NDUFA8: variants seen among roughly 807,000 people sequenced by gnomAD.
NDUFA8 encodes NADH dehydrogenase [ubiquinone] 1 alpha subcomplex subunit 8.
NDUFA8 carries 16 observed loss-of-function variants against 20.9 expected under a neutral mutation model. The ratio of observed to expected loss-of-function variants is 0.77; its 90% CI spans 0.52 to 1.16. The LOEUF (loss-of-function observed/expected upper bound fraction) is 1.16, where lower values mean the gene tolerates loss of function less well. NDUFA8 is among the 50% of genes most tolerant of loss of function. NDUFA8 has a pLI of 0.00. For missense variants in NDUFA8, 202 were observed against 216.4 expected, an observed-to-expected ratio of 0.93 and a Z score of 0.42; for synonymous variants, 70 against 76.1, an observed-to-expected ratio of 0.92 and a Z score of 0.41.
rs188801470 is a variant in NDUFA8, at chr9:122,158,811, A to G, written c.51+816T>C. Among the ~76,000 whole-genome samples, 371 of 149,444 alleles carry G rather than the reference A, an allele frequency of 2.5e-3. 3 individuals carry two copies. Among genetic ancestry groups the G allele is most frequent in the African/African-American group, 7.3e-3 (297 of 40,670 alleles). ...TGTATATATATGTGTATGTGTGTGT[A>G]TATATATATATATCCTACCTTATAG... On this transcript the variant is annotated intron_variant, in intron 1 of 3. Transcript: ENST00000373768.
downstream of NDUFA8, among the ~76,000 whole-genome samples, chr9:122,143,456 G>A (rs1017858883): frequency 6.6e-6 from 1 of 152,214 alleles, no homozygotes; most frequent in Non-Finnish European, 1.5e-5. Context: ...CCAGGAGGTA[G>A]ATAAGCATGT....
rs780716993 is a variant in NDUFA8, at chr9:122,144,332, T to C, written c.428A>G (p.His143Arg). The change falls in exon 4 of 4, where the codon CAC (histidine) becomes CGC (arginine). Residue 143 changes from histidine to arginine, a missense_variant. By Grantham distance (29) the His-to-Arg change is conservative. Transcript: ENST00000373768. ...GCTGGGATCCGGTCTTGGTCTTGAGTGATAGGGATTCTCCGGTAAAGGTCG... is the reference window on the plus strand; with the variant it reads ...GCTGGGATCCGGTCTTGGTCTTGAGCGATAGGGATTCTCCGGTAAAGGTCG... ...TDRPLPENPY[H>R]SRPRPDPSPE... 6.2e-6 allele frequency: 10 copies of C among 1,613,944 alleles called. No individual in the cohort carries two copies. The highest frequency in any genetic ancestry group is 5.0e-5 in the Admixed American group (3 of 59,982).
chr9:122,144,702 T>TG (rs1372171876), intron 3 of NDUFA8, among the ~76,000 whole-genome samples: 3 of 152,184 alleles, frequency 2.0e-5, no homozygotes, highest in Non-Finnish European at 2.9e-5. Flanking sequence ...ATGGCAATGA[T>TG]GGAGACAGGA....
downstream of NDUFA8, among the ~76,000 whole-genome samples, chr9:122,141,186 G>C (rs764841977): frequency 5.9e-5 from 9 of 152,326 alleles, no homozygotes; most frequent in East Asian, 5.8e-4. Context: ...GTAAGATAAT[G>C]ATGGGGAAAT....
intron 3 of NDUFA8, among the ~76,000 whole-genome samples, chr9:122,147,112 T>C (rs1468510262): frequency 6.6e-6 from 1 of 152,212 alleles, no homozygotes; most frequent in Non-Finnish European, 1.5e-5. Context: ...GGAGGTGTAA[T>C]TTAATCCTCA....
the NDUFA8 span, among the ~76,000 whole-genome samples, chr9:122,134,458 G>A: frequency 1.3e-5 from 2 of 152,200 alleles, no homozygotes; most frequent in African/African-American, 4.8e-5. Context: ...AGAAATATGT[G>A]GGCCAATAAA....
chr9:122,155,444 G>A (rs889379587), intron 1 of NDUFA8, among the ~76,000 whole-genome samples: 2 of 152,204 alleles, frequency 1.3e-5, no homozygotes, highest in African/African-American at 4.8e-5. Flanking sequence ...AAGATGACAA[G>A]AGTAATTAAT....
chr9:122,152,435 C>G, intron 1 of NDUFA8, 27 bp from the exon 2 acceptor site: 2 of 1,612,544 alleles, frequency 1.2e-6, no homozygotes, highest in South Asian at 1.1e-5. Context: ...GGGACAAAGG[C>G]CACAGACTGT....
chr9:122,158,320 T>C (rs940769670), intron 1 of NDUFA8, among the ~76,000 whole-genome samples: 7 of 152,086 alleles, frequency 4.6e-5, no homozygotes, highest in Admixed American at 4.6e-4. Context: ...ACCACCTCCC[T>C]TACTGGATCA....
downstream of NDUFA8, among the ~76,000 whole-genome samples, chr9:122,140,132 G>T (rs2118686274): frequency 6.6e-6 from 1 of 152,282 alleles, no homozygotes. Context: ...TCTTCATTTT[G>T]TTTCCCAGAT....
intron 2 of NDUFA8, among the ~76,000 whole-genome samples, chr9:122,150,410 C>CAAAAAAAAAAAAAAAAA (rs60728190): frequency 5.1e-5 from 1 of 19,654 alleles, no homozygotes; most frequent in African/African-American, 1.1e-4. Flanking sequence ...CACCCCATCA[C>CAAAAAAAAAAAAAAAAA]AAAAAAAAAA....
the NDUFA8 span, among the ~76,000 whole-genome samples, chr9:122,137,572 A>G: frequency 6.6e-6 from 1 of 152,162 alleles, no homozygotes; most frequent in African/African-American, 2.4e-5. Flanking sequence ...GTGGTTGACA[A>G]AATCTTAGAA....
At chr9:122,154,271 T>C (rs930059237) in intron 1 of NDUFA8, among the ~76,000 whole-genome samples, 1 of 152,236 alleles carries the variant, frequency 6.6e-6, no homozygotes, top group Non-Finnish European at 1.5e-5. Flanking sequence ...CACCCACTCT[T>C]TGCTAGAAAA....
At chr9:122,152,116 GT>G in intron 2 of NDUFA8, 128 bp downstream of exon 2, 1 of 1,044,184 alleles carries the variant, frequency 9.6e-7, no homozygotes, top group Non-Finnish European at 1.4e-6. Flanking sequence ...TCCTTTGAAT[GT>G]TTTACCTTGG....
chr9:122,149,468 A>G (rs916736493), intron 2 of NDUFA8, among the ~76,000 whole-genome samples: 2 of 152,264 alleles, frequency 1.3e-5, no homozygotes, highest in Non-Finnish European at 2.9e-5. Context: ...CTACTCTAGT[A>G]GCATGGATCC....
chr9:122,137,644 A>G, the NDUFA8 span, among the ~76,000 whole-genome samples: 1 of 152,214 alleles, frequency 6.6e-6, no homozygotes, highest in African/African-American at 2.4e-5. Flanking sequence ...CAGAAGCCCA[A>G]AATGCTCTTC....
chr9:122,148,033 G>T lies in NDUFA8; in HGVS notation c.381+79C>A, dbSNP rs1001511465. On this transcript the variant is annotated intron_variant, in intron 3 of 3. Coordinates refer to ENST00000373768, the MANE Select transcript of NDUFA8 (RefSeq NM_014222.3). ...TTCTTACATCATATCTGTATTTACA[G>T]AGACCCTTTGCTGACCACCTCCTGC... is the stretch of plus-strand genomic sequence containing the variant. The T allele has an allele frequency of 1.8e-5, 28 of 1,537,772 alleles. No homozygotes were observed. In the Admixed American group the frequency reaches 2.0e-4, roughly 11 times the overall value.
intron 3 of NDUFA8, 37 bp from the exon 4 acceptor site, chr9:122,144,415 G>C (rs1268232529): frequency 6.3e-7 from 1 of 1,594,902 alleles, no homozygotes; most frequent in Non-Finnish European, 8.6e-7. Flanking sequence ...AAAGTTGAAA[G>C]CTAGGGTGGA....
intron 1 of NDUFA8, among the ~76,000 whole-genome samples, chr9:122,158,640 G>T: frequency 6.6e-6 from 1 of 150,946 alleles, no homozygotes; most frequent in East Asian, 1.9e-4. Context: ...TATTTATAAC[G>T]CTACGACCAA....
Sources: gnomAD v4.1 joint callset for allele counts (sites outside exome capture counted in the v4.1 genomes callset) on GRCh38, gnomAD v4.1.1 for gene constraint, MANE v1.5 for transcripts, NCBI Gene and HGNC (gene_info 2026-07-23, HGNC 2026-07-21) for gene names.